The following AAK1 variants were observed in gnomAD, a reference collection of about 807,000 sequenced individuals.
The protein encoded by AAK1 is AP2-associated protein kinase 1.
AAK1 carries 37 observed loss-of-function variants against 116.0 expected under a neutral mutation model. That is an observed-to-expected ratio of 0.32 (90% CI 0.25 to 0.42). The LOEUF (loss-of-function observed/expected upper bound fraction) is 0.42. AAK1 is among the 10% of genes least tolerant of loss of function. The pLI is 1.00. For synonymous variants in AAK1, 458 were observed against 439.9 expected (o/e 1.04, Z -0.51); for missense variants, 919 against 1,170.6 (o/e 0.79, Z 3.14).
intron 2 of AAK1, among the ~76,000 whole-genome samples, chr2:69,561,439 T>G (rs931128395): frequency 3.9e-5 from 6 of 152,226 alleles, no homozygotes; most frequent in African/African-American, 1.4e-4. Flanking sequence ...TTCATTTGTA[T>G]TCACACAATG....
At chr2:69,599,013 T>G in intron 2 of AAK1, 1 of 317,496 alleles carries the variant, frequency 3.1e-6, no homozygotes, top group South Asian at 3.0e-5. Flanking sequence ...AGTGTTAAAG[T>G]TGTAGAAAAT....
At chr2:69,608,612 CA>C (rs1283918347) in intron 2 of AAK1, among the ~76,000 whole-genome samples, 1 of 152,158 alleles carries the variant, frequency 6.6e-6, no homozygotes, top group Admixed American at 6.5e-5. Flanking sequence ...AAAGGAACAG[CA>C]AATTGAAGAC....
In AAK1 at chr2:69,461,855, G is replaced by A. The variant is rs888803833; in HGVS notation, c.*14014C>T. 4.5e-6 allele frequency: 1 copy of A among 222,564 alleles called. No individual in the cohort carries two copies. Among genetic ancestry groups the A allele is most frequent in the Non-Finnish European group, 9.2e-6 (1 of 108,616 alleles). The allele number at this position is 222,564 out of a possible 1,614,324, so 13.8% of individuals were successfully genotyped here. On this transcript the variant is annotated 3_prime_UTR_variant, in exon 22 of 22. Coordinates refer to ENST00000409085, the MANE Select transcript of AAK1 (RefSeq NM_014911.5). ...GATCCACCCACCTCGGCCTCCCAAA[G>A]TGCTGGGATTACAAGCGTGAGCCAC...
intron 17 of AAK1, among the ~76,000 whole-genome samples, chr2:69,491,370 T>A (rs1398923849): frequency 1.3e-5 from 2 of 152,220 alleles, no homozygotes; most frequent in Non-Finnish European, 2.9e-5. Flanking sequence ...TCACTAGCCA[T>A]GCATCATTTG....
Position 69,502,166 on chromosome 2 carries a change from G to T in AAK1, c.2269+3403C>A, listed in dbSNP as rs968608137. Among the ~76,000 whole-genome samples, 13 of 150,904 alleles carry T rather than the reference G, an allele frequency of 8.6e-5. 1 individual carries two copies. The highest frequency in any genetic ancestry group is 8.6e-4 in the Admixed American group (13 of 15,114). On this transcript the variant is annotated intron_variant, in intron 16 of 21. Transcript: ENST00000409085. ...AAATTAATGTACACAGATATTAAAA[G>T]ATATATATATATATTGTTGTACTTT...
chr2:69,544,356 T>G, intron 4 of AAK1, 80 bp downstream of exon 4: 1 of 1,108,524 alleles, frequency 9.0e-7, no homozygotes, highest in Non-Finnish European at 1.4e-6. Flanking sequence ...GCAGTGCACA[T>G]TAAGTGAAAT....
At chr2:69,527,751 T>C (rs1670082819) in intron 8 of AAK1, among the ~76,000 whole-genome samples, 1 of 152,230 alleles carries the variant, frequency 6.6e-6, no homozygotes, top group African/African-American at 2.4e-5. Flanking sequence ...TATTCTTTTG[T>C]TGGAAATATT....
At chr2:69,518,835 T>A in intron 12 of AAK1, 119 bp downstream of exon 12, 1 of 1,384,706 alleles carries the variant, frequency 7.2e-7, no homozygotes, top group Non-Finnish European at 9.5e-7. Flanking sequence ...AGTATCTACA[T>A]CTATGAGAAA....
At chr2:69,573,588 CT>C (rs1160235715) in intron 2 of AAK1, among the ~76,000 whole-genome samples, 1 of 152,158 alleles carries the variant, frequency 6.6e-6, no homozygotes, top group African/African-American at 2.4e-5. Flanking sequence ...TGGCGTGTGC[CT>C]GGAAAGCAAT....
At chr2:69,569,249 C>G (rs947860209) in intron 2 of AAK1, among the ~76,000 whole-genome samples, 2 of 152,132 alleles carry the variant, frequency 1.3e-5, no homozygotes, top group Admixed American at 6.5e-5. Context: ...TTCAAACATA[C>G]AGTAAAGTTG....
intron 13 of AAK1, among the ~76,000 whole-genome samples, chr2:69,510,972 T>A (rs895499624): frequency 6.6e-6 from 1 of 152,186 alleles, no homozygotes; most frequent in Non-Finnish European, 1.5e-5. Context: ...GGTGAGAATA[T>A]CCTTGTGACC....
At chr2:69,531,944 C>T (rs1373286442) in intron 6 of AAK1, 97 bp downstream of exon 6, 3 of 1,532,430 alleles carry the variant, frequency 2.0e-6, no homozygotes, top group Non-Finnish European at 2.7e-6. Flanking sequence ...CTGACTATCA[C>T]CATTCTCTCC....
chr2:69,479,818 C>T (rs943780935), intron 19 of AAK1, among the ~76,000 whole-genome samples: 7 of 152,288 alleles, frequency 4.6e-5, no homozygotes, highest in Admixed American at 2.6e-4. Context: ...TGCAGTGGGA[C>T]GACCTTGGCT....
At chr2:69,578,835 G>A (rs1226390430) in intron 2 of AAK1, among the ~76,000 whole-genome samples, 3 of 138,854 alleles carry the variant, frequency 2.2e-5, no homozygotes, top group South Asian at 2.2e-4. Flanking sequence ...ACGGAGTCTC[G>A]CTCTGTCGCC....
At chr2:69,573,265 T>A (rs767820915) in intron 2 of AAK1, among the ~76,000 whole-genome samples, 1 of 152,062 alleles carries the variant, frequency 6.6e-6, no homozygotes, top group Non-Finnish European at 1.5e-5. Context: ...GGAAAAAATA[T>A]CTGAAGCTTA....
At chr2:69,542,379 T>C (rs1340696852) in intron 5 of AAK1, 144 bp downstream of exon 5, 3 of 1,049,046 alleles carry the variant, frequency 2.9e-6, no homozygotes, top group Admixed American at 2.9e-5. Flanking sequence ...TCCTTTGTTA[T>C]TTTCTCTCCT....
intron 16 of AAK1, among the ~76,000 whole-genome samples, chr2:69,497,697 C>G (rs992510434): frequency 6.6e-6 from 1 of 151,588 alleles, no homozygotes. Flanking sequence ...AAAAAAAAAG[C>G]CTCATTTTGT....
intron 2 of AAK1, among the ~76,000 whole-genome samples, chr2:69,583,947 T>C (rs548610364): frequency 6.6e-6 from 1 of 152,380 alleles, no homozygotes; most frequent in African/African-American, 2.4e-5. Flanking sequence ...TAGTTGTCTC[T>C]CCAGGTAAAC....
chr2:69,467,850 T>G lies in AAK1; in HGVS notation c.*8019A>C. ...GAGACATTACATTGTAAAGAGAATG[T>G]AGAGAGAGGTCTGAACATTTTATAA... On this transcript the variant is annotated 3_prime_UTR_variant, in exon 22 of 22. Coordinates refer to ENST00000409085, the MANE Select transcript of AAK1 (RefSeq NM_014911.5). 6.1e-6 allele frequency: 6 copies of G among 985,396 alleles called. No homozygotes were observed. Among genetic ancestry groups the G allele is most frequent in the Non-Finnish European group, 7.2e-6 (6 of 829,892 alleles). 61.0% of individuals were successfully genotyped at this position (985,396 alleles called of 1,614,324 possible).
Sources: allele counts gnomAD v4.1 joint callset (sites outside exome capture counted in the v4.1 genomes callset), GRCh38; gene constraint gnomAD v4.1.1; transcripts MANE v1.5; gene names NCBI Gene and HGNC (gene_info 2026-07-23, HGNC 2026-07-21).